Variants in PARP8 observed in about 807,000 individuals in gnomAD.
The protein encoded by PARP8 is poly(ADP-ribose) polymerase family member 8, also known as protein mono-ADP-ribosyltransferase PARP8.
PARP8 carries 51 observed loss-of-function variants against 124.1 expected under a neutral mutation model. That is an observed-to-expected ratio of 0.41 (90% CI 0.33 to 0.52). The LOEUF (loss-of-function observed/expected upper bound fraction) is 0.52. Ranked by LOEUF, PARP8 falls within the 20% of genes least tolerant of loss-of-function variation. The pLI, the probability that PARP8 is intolerant of heterozygous loss-of-function variation, is 0.21. For synonymous variants in PARP8, 391 were observed against 361.5 expected, an observed-to-expected ratio of 1.08 and a Z score of -0.93; for missense variants, 860 against 1,018.9, an observed-to-expected ratio of 0.84 and a Z score of 2.12.
chr5:50,740,956 T>C (rs1368044962), intron 2 of PARP8, among the ~76,000 whole-genome samples: 1 of 152,234 alleles, frequency 6.6e-6, no homozygotes, highest in Admixed American at 6.5e-5. Context: ...TTGTAGTGTT[T>C]GTTCCCTTTC....
intron 9 of PARP8, among the ~76,000 whole-genome samples, chr5:50,786,985 C>G (rs898518073): frequency 1.1e-4 from 16 of 152,130 alleles, no homozygotes; most frequent in Non-Finnish European, 2.2e-4. Context: ...AGTATTTGGT[C>G]AAATAACTAG....
Position 50,844,915 on chromosome 5 carries a change from G to A in PARP8, c.*2847G>A, listed in dbSNP as rs1278177987. 4 of 151,022 alleles carry A rather than the reference G, an allele frequency of 2.6e-5. No individual in the cohort carries two copies. The highest frequency in any genetic ancestry group is 1.3e-4 in the Admixed American group (2 of 15,128). 9.4% of individuals were successfully genotyped at this position (151,022 alleles called of 1,614,324 possible). ...ATAGTAAGACACTTTTGGTGTCTTC[G>A]AGTGCACTATGTTGGAATAAATTTT... On this transcript the variant is annotated 3_prime_UTR_variant, in exon 26 of 26. Transcript: ENST00000281631.
chr5:50,810,914 G>A lies in PARP8; in HGVS notation c.1576-4518G>A, dbSNP rs148057933. ...TCACATTATGACGTTTGTAGTTGCT[G>A]TGTTAAAAAGGAAAGATAAAATTAT... On this transcript the variant is annotated intron_variant, in intron 14 of 25. Transcript: ENST00000281631. Among the ~76,000 whole-genome samples the A allele has an allele frequency of 3.4e-3, 512 of 152,112 alleles. 5 individuals are homozygous for A. Among genetic ancestry groups the A allele is most frequent in the African/African-American group, 0.011 (477 of 41,518 alleles).
chr5:50,781,824 C>T lies in PARP8; in HGVS notation c.670+3174C>T, dbSNP rs371563339. 1.9e-3 allele frequency among the ~76,000 whole-genome samples: 296 copies of T among 152,282 alleles called. 3 individuals carry two copies. The highest frequency in any genetic ancestry group is 6.7e-3 in the African/African-American group (280 of 41,562). ...CAAATTCTAAGTTGTAATGCATGCT[C>T]CAGTTTTACCTACAAGATGGGGTGG... On this transcript the variant is annotated intron_variant, in intron 9 of 25. Transcript: ENST00000281631.
At chr5:50,668,177 C>G (rs1175062725) in intron 2 of PARP8, 52 bp downstream of exon 2, 7 of 1,481,140 alleles carry the variant, frequency 4.7e-6, no homozygotes, top group Non-Finnish European at 5.6e-6. Context: ...CTTGTGTTTC[C>G]TTTGTTCTTA....
chr5:50,676,295 T>C (rs1262082473), intron 2 of PARP8, among the ~76,000 whole-genome samples: 1 of 152,260 alleles, frequency 6.6e-6, no homozygotes. Flanking sequence ...GAAGAATTTA[T>C]TTTCAGCAAT....
At chr5:50,828,974 G>T (rs1746649827) in intron 21 of PARP8, among the ~76,000 whole-genome samples, 1 of 152,080 alleles carries the variant, frequency 6.6e-6, no homozygotes, top group Non-Finnish European at 1.5e-5. Flanking sequence ...TTTTACTTAA[G>T]TAGAAAAACA....
chr5:50,752,527 G>T (rs1056351558), intron 3 of PARP8, among the ~76,000 whole-genome samples: 3 of 151,986 alleles, frequency 2.0e-5, no homozygotes, highest in African/African-American at 7.2e-5. Context: ...GTCCGTAATT[G>T]TAAAATTCTT....
At chr5:50,675,601 T>A (rs1435526574) in intron 2 of PARP8, among the ~76,000 whole-genome samples, 1 of 152,252 alleles carries the variant, frequency 6.6e-6, no homozygotes, top group Non-Finnish European at 1.5e-5. Context: ...GAGCCAGCCA[T>A]GGCGCCCGGC....
intron 7 of PARP8, among the ~76,000 whole-genome samples, chr5:50,763,863 T>G (rs1384780010): frequency 6.6e-6 from 1 of 152,190 alleles, no homozygotes; most frequent in East Asian, 1.9e-4. Context: ...ATTTCAGATT[T>G]CCATTCTTTG....
intron 2 of PARP8, among the ~76,000 whole-genome samples, chr5:50,679,136 A>C (rs1750990449): frequency 1.3e-5 from 2 of 152,158 alleles, no homozygotes; most frequent in South Asian, 2.1e-4. Flanking sequence ...TTAAAAAAAA[A>C]ATCTACCCTA....
At position 50,842,347 on chromosome 5, in the gene PARP8, T is replaced by A; in HGVS notation, c.*279T>A. ...CAATAAACAGATTGAAAAAACTGTT[T>A]TGTGCTGATATTTTTATACTAAACT... is the stretch of plus-strand genomic sequence containing the variant. On this transcript the variant is annotated 3_prime_UTR_variant, in exon 26 of 26. Transcript: ENST00000281631. 2 of 246,150 alleles carry A rather than the reference T, an allele frequency of 8.1e-6. No homozygotes were observed. The highest frequency in any genetic ancestry group is 1.6e-5 in the Non-Finnish European group (2 of 128,630). The allele number at this position is 246,150 out of a possible 1,614,324, so 15.2% of individuals were successfully genotyped here.
At chr5:50,751,412 C>T (rs1350758791) in intron 3 of PARP8, among the ~76,000 whole-genome samples, 1 of 152,104 alleles carries the variant, frequency 6.6e-6, no homozygotes, top group Non-Finnish European at 1.5e-5. Context: ...AACTTAATTT[C>T]CAAAAGGAAG....
At position 50,794,187 on chromosome 5, in the gene PARP8, A is replaced by G; in HGVS notation, c.738-20A>G. 1.9e-6 allele frequency: 3 copies of G among 1,604,412 alleles called. No homozygotes were observed. The highest frequency in any genetic ancestry group is 2.6e-6 in the Non-Finnish European group (3 of 1,174,736). ...AATTGCCTTGGAATGGTGATAACAG[A>G]ATTACCTTTGGATTGACAGAATCAT... On this transcript the variant is annotated intron_variant, in intron 10 of 25. Coordinates refer to ENST00000281631, the MANE Select transcript of PARP8 (RefSeq NM_024615.4).
chr5:50,806,162 G>T (rs2149673880), intron 14 of PARP8, among the ~76,000 whole-genome samples: 1 of 151,982 alleles, frequency 6.6e-6, no homozygotes, highest in Middle Eastern at 3.4e-3. Context: ...ACTCTCTGAG[G>T]TATATATTAT....
chr5:50,816,397 A>G (rs529435254), intron 15 of PARP8, among the ~76,000 whole-genome samples: 1 of 152,134 alleles, frequency 6.6e-6, no homozygotes, highest in South Asian at 2.1e-4. Context: ...ATTATTTGCT[A>G]ATACAAACTA....
chr5:50,764,891 C>T (rs1474322657), intron 7 of PARP8, among the ~76,000 whole-genome samples: 2 of 150,896 alleles, frequency 1.3e-5, no homozygotes, highest in Middle Eastern at 3.5e-3. Context: ...ATCTACATCT[C>T]GATATACACC....
intron 2 of PARP8, among the ~76,000 whole-genome samples, chr5:50,734,178 C>A (rs1305872782): frequency 6.6e-6 from 1 of 151,892 alleles, no homozygotes; most frequent in Non-Finnish European, 1.5e-5. Flanking sequence ...ATTTCAGATC[C>A]CATTTGGATG....
chr5:50,765,293 AG>A (rs1261838234), intron 7 of PARP8, among the ~76,000 whole-genome samples: 1 of 151,946 alleles, frequency 6.6e-6, no homozygotes, highest in African/African-American at 2.4e-5. Flanking sequence ...ATTTTTGTTT[AG>A]TGGACAACTT....
Sources: allele counts gnomAD v4.1 joint callset (sites outside exome capture counted in the v4.1 genomes callset), GRCh38; gene constraint gnomAD v4.1.1; transcripts MANE v1.5; gene names NCBI Gene and HGNC (gene_info 2026-07-23, HGNC 2026-07-21).